Variants in PAX3 observed in about 807,000 individuals in gnomAD.
PAX3 encodes paired box 3.
A neutral mutation model predicts 51.6 loss-of-function variants in PAX3; 14 were observed. The ratio of observed to expected loss-of-function variants is 0.27; its 90% CI spans 0.18 to 0.42. The LOEUF is 0.42. Ranked by LOEUF, PAX3 falls within the 10% of genes least tolerant of loss-of-function variation. The probability of loss-of-function intolerance (pLI) is 1.00; values close to 1 mark genes in which losing one functional copy is unlikely to be tolerated. For missense variants in PAX3, 540 were observed against 642.8 expected (o/e 0.84, Z 1.73); for synonymous variants, 280 against 253.4 (o/e 1.11, Z -1.00).
chr2:222,226,920 A>ATACACATACACAAGTGTATG (rs1553574111), intron 5 of PAX3, among the ~76,000 whole-genome samples: 7 of 151,934 alleles, frequency 4.6e-5, no homozygotes, highest in Non-Finnish European at 1.0e-4. Flanking sequence ...TAACAGTTGT[A>ATACACATACACAAGTGTATG]TATACACATA....
rs575177606 is a variant in PAX3 at position 222,203,644 on chromosome 2, G to A, written c.1174-1454C>T. On this transcript the variant is annotated intron_variant, in intron 7 of 8. Coordinates refer to ENST00000392070, the MANE Select transcript of PAX3 (RefSeq NM_181458.4). Reference sequence around the variant, plus strand: ...AGGCAGGAATCTGAGAGGCAGGTGAGGCGGGGGGCGGGTCTAGTTTTGCTT... The same window carrying A: ...AGGCAGGAATCTGAGAGGCAGGTGAAGCGGGGGGCGGGTCTAGTTTTGCTT... 1.5e-3 allele frequency among the ~76,000 whole-genome samples: 235 copies of A among 152,238 alleles called. 2 individuals are homozygous for A. Among genetic ancestry groups the A allele is most frequent in the African/African-American group, 5.3e-3 (219 of 41,540 alleles).
At chr2:222,224,646 G>A (rs991986431) in intron 5 of PAX3, among the ~76,000 whole-genome samples, 1 of 151,962 alleles carries the variant, frequency 6.6e-6, no homozygotes. Context: ...AGTGATCCTA[G>A]GAGGCTGTTA....
At chr2:222,218,171 G>A (rs1308779113) in intron 7 of PAX3, among the ~76,000 whole-genome samples, 2 of 152,086 alleles carry the variant, frequency 1.3e-5, no homozygotes, top group Non-Finnish European at 2.9e-5. Context: ...AAGAAATACA[G>A]GAAAAATGCC....
chr2:222,201,930 A>T lies in PAX3; in HGVS notation c.1420+14T>A, dbSNP rs768521579. 9 of 1,614,072 alleles carry T rather than the reference A, an allele frequency of 5.6e-6. No individual in the cohort carries two copies. The East Asian group carries it at 1.8e-4, about 32-fold the overall frequency. On this transcript the variant is annotated intron_variant, in intron 8 of 8. Coordinates refer to ENST00000392070, the MANE Select transcript of PAX3 (RefSeq NM_181458.4). ...TTCCAGGAGAAATTGCCCCCTAAAAAGTCCAAGGCTTACTTTGTCCATACT... is the reference window on the plus strand; with the variant it reads ...TTCCAGGAGAAATTGCCCCCTAAAATGTCCAAGGCTTACTTTGTCCATACT...
chr2:222,231,991 G>T, intron 5 of PAX3, 87 bp downstream of exon 5: 1 of 1,241,740 alleles, frequency 8.1e-7, no homozygotes, highest in Non-Finnish European at 1.2e-6. Flanking sequence ...CATTTTTGGG[G>T]GGGATTGACA....
At chr2:222,201,706 G>A in intron 8 of PAX3, 2 of 1,454,780 alleles carry the variant, frequency 1.4e-6, no homozygotes, top group African/African-American at 2.9e-5. Context: ...GTTTTACCTA[G>A]TGGCAATCAG....
chr2:222,277,759 C>T (rs371531358), intron 4 of PAX3, among the ~76,000 whole-genome samples: 5 of 151,984 alleles, frequency 3.3e-5, no homozygotes, highest in South Asian at 2.1e-4. Context: ...CATGGTGAAA[C>T]CCCGTCTCTA....
intron 4 of PAX3, among the ~76,000 whole-genome samples, chr2:222,238,492 C>T (rs1183294866): frequency 3.9e-5 from 6 of 152,150 alleles, no homozygotes; most frequent in African/African-American, 1.2e-4. Flanking sequence ...CATTGTCTTT[C>T]TTCTCAGCAA....
Position 222,298,521 on chromosome 2 carries a change from C to G in PAX3, c.85+10G>C. 1 of 1,596,662 alleles carries G rather than the reference C, an allele frequency of 6.3e-7. No homozygotes were observed. Among genetic ancestry groups the G allele is most frequent in the South Asian group, 1.1e-5 (1 of 88,498 alleles). ...TGGGATCCAGGCGGCGCGCTGAGGC[C>G]CTCCCTTACCTTCCAGCGGGAACCC... On this transcript the variant is annotated intron_variant, in intron 1 of 8. Transcript: ENST00000392070.
At chr2:222,236,085 G>A (rs568503239) in intron 4 of PAX3, among the ~76,000 whole-genome samples, 1 of 152,342 alleles carries the variant, frequency 6.6e-6, no homozygotes, top group Admixed American at 6.5e-5. Context: ...CCAAAGGGAT[G>A]TGGGCTTTAA....
At chr2:222,270,417 T>C (rs1337002606) in intron 4 of PAX3, among the ~76,000 whole-genome samples, 1 of 152,208 alleles carries the variant, frequency 6.6e-6, no homozygotes, top group Non-Finnish European at 1.5e-5. Flanking sequence ...GTTCAGATGT[T>C]TCCATCGGTC....
intron 7 of PAX3, among the ~76,000 whole-genome samples, chr2:222,216,704 A>C (rs1005518526): frequency 2.7e-5 from 4 of 147,978 alleles, no homozygotes; most frequent in Admixed American, 6.9e-5. Context: ...ACACATACAC[A>C]AACACACACA....
At chr2:222,252,254 AC>A (rs1481801249) in intron 4 of PAX3, among the ~76,000 whole-genome samples, 1 of 152,234 alleles carries the variant, frequency 6.6e-6, no homozygotes, top group African/African-American at 2.4e-5. Flanking sequence ...AAAAATATTC[AC>A]TATATGGACC....
intron 4 of PAX3, among the ~76,000 whole-genome samples, chr2:222,279,132 G>C (rs1282102356): frequency 6.6e-6 from 1 of 152,132 alleles, no homozygotes; most frequent in Non-Finnish European, 1.5e-5. Flanking sequence ...TGTATTTTTA[G>C]TAGAGACGGG....
At chr2:222,253,037 A>T (rs541756294) in intron 4 of PAX3, among the ~76,000 whole-genome samples, 12 of 152,304 alleles carry the variant, frequency 7.9e-5, no homozygotes, top group African/African-American at 2.6e-4. Context: ...GGTGACCCAT[A>T]GGCTACTTCC....
At chr2:222,204,174 G>A (rs1473564233) in intron 7 of PAX3, among the ~76,000 whole-genome samples, 1 of 152,138 alleles carries the variant, frequency 6.6e-6, no homozygotes, top group Non-Finnish European at 1.5e-5. Flanking sequence ...GAAAGTGAAA[G>A]TCACAAAATA....
At chr2:222,284,449 A>G (rs544459716) in intron 4 of PAX3, among the ~76,000 whole-genome samples, 1 of 152,348 alleles carries the variant, frequency 6.6e-6, no homozygotes, top group Admixed American at 6.5e-5. Flanking sequence ...AGCTGGGAGG[A>G]AAAGTAATTA....
intron 7 of PAX3, among the ~76,000 whole-genome samples, chr2:222,215,115 G>T (rs192033332): frequency 2.0e-5 from 3 of 152,192 alleles, no homozygotes; most frequent in African/African-American, 4.8e-5. Flanking sequence ...GGAGGAAAAT[G>T]CTTAAAATGA....
intron 4 of PAX3, among the ~76,000 whole-genome samples, chr2:222,245,759 C>T (rs1337688508): frequency 2.0e-5 from 3 of 147,754 alleles, no homozygotes; most frequent in African/African-American, 7.5e-5. Context: ...CACCTGAGGT[C>T]AGGAGTTTGA....
Sources: allele counts gnomAD v4.1 joint callset (sites outside exome capture counted in the v4.1 genomes callset), GRCh38; gene constraint gnomAD v4.1.1; transcripts MANE v1.5; gene names NCBI Gene and HGNC (gene_info 2026-07-23, HGNC 2026-07-21).